TH: variants seen among roughly 807,000 people sequenced by gnomAD.
TH encodes tyrosine 3-monooxygenase.
TH carries 49 observed loss-of-function variants against 57.4 expected under a neutral mutation model. The observed-to-expected ratio is 0.85, with a 90% CI of 0.68 to 1.08. The LOEUF (loss-of-function observed/expected upper bound fraction) is 1.08. TH is among the 50% of genes least tolerant of loss of function. The pLI is 0.00. For missense variants in TH, 720 were observed against 696.7 expected (o/e 1.03, Z -0.38); for synonymous variants, 330 against 304.5 (o/e 1.08, Z -0.87).
rs1846237743 is a variant in TH, at chr11:2,170,952, G to C, written c.90+745C>G. Among the ~76,000 whole-genome samples the C allele has an allele frequency of 6.6e-6, 1 of 152,116 alleles. No individual in the cohort carries two copies. The highest frequency in any genetic ancestry group is 2.1e-4 in the South Asian group (1 of 4,832). ...ATTTTAAATGTGCCAGGGAGCCCAA[G>C]GTTCTGAGTGCCCAAGGAGGCACCG... On this transcript the variant is annotated intron_variant, in intron 1 of 12. Coordinates refer to ENST00000352909, the MANE Select transcript of TH (RefSeq NM_000360.4). The surrounding 1 kb of genome is among the most constrained non-coding windows in gnomAD (Gnocchi z 6.0).
intron 6 of TH, 67 bp from the exon 7 acceptor site, chr11:2,167,099 T>A: frequency 6.5e-7 from 1 of 1,538,990 alleles, no homozygotes; most frequent in Non-Finnish European, 8.8e-7. Context: ...CCTCCTGAAC[T>A]GTGGGTGCCT....
chr11:2,166,211 A>C lies in TH; in HGVS notation c.1048-153T>G, dbSNP rs564066698. 9 of 922,948 alleles carry C rather than the reference A, an allele frequency of 9.8e-6. No individual in the cohort carries two copies. The East Asian group carries it at 1.3e-4, about 14-fold the overall frequency. The allele number at this position is 922,948 out of a possible 1,614,324, so 57.2% of individuals were successfully genotyped here. A position where few individuals can be genotyped will look rare whatever the true frequency, so the allele number is the denominator to read the frequency against. On this transcript the variant is annotated intron_variant, in intron 9 of 12. Transcript: ENST00000352909. Reference sequence around the variant, plus strand: ...CTGGCCGCCCAGGATCCGCACCTCCACCGGGCCTCCTCCTCCAGGCAGCCC... The same window carrying C: ...CTGGCCGCCCAGGATCCGCACCTCCCCCGGGCCTCCTCCTCCAGGCAGCCC...
Position 2,169,799 on chromosome 11 carries a change from C to A in TH, c.163G>T (p.Ala55Ser), listed in dbSNP as rs1246008102. 6.2e-7 allele frequency: 1 copy of A among 1,610,946 alleles called. No individual in the cohort carries two copies. The highest frequency in any genetic ancestry group is 8.5e-7 in the Non-Finnish European group (1 of 1,179,458). Residue 55 changes from alanine (A) to serine (S), a missense_variant, in exon 2 of 13, where the codon GCA (alanine) becomes TCA (serine). Coordinates refer to ENST00000352909, the MANE Select transcript of TH (RefSeq NM_000360.4). ...TCCGAGGGGACTGCAGCGGCCGCTGCTGCCACCGCCGCCTCCCGCTCCTTG... is the reference window on the plus strand; with the variant it reads ...TCCGAGGGGACTGCAGCGGCCGCTGATGCCACCGCCGCCTCCCGCTCCTTG... ...ARKEREAAVAAAAAAVPSEPG... is the reference protein window; with the variant it reads ...ARKEREAAVASAAAAVPSEPG...
chr11:2,168,699 G>A, intron 2 of TH, 34 bp from the exon 3 acceptor site: 2 of 968,694 alleles, frequency 2.1e-6, no homozygotes, highest in Non-Finnish European at 3.0e-6. Context: ...GAGAGAGAAG[G>A]AGAAAGAGAC....
rs1204855335 is a variant in TH, at chr11:2,169,254, C to T, written c.312+396G>A. Reference sequence around the variant, plus strand: ...CCTGCCTCCCGGGGCACAGTGGGGCCGGAGTGACTAATGCAATCAGTGGTC... The same window carrying T: ...CCTGCCTCCCGGGGCACAGTGGGGCTGGAGTGACTAATGCAATCAGTGGTC... On this transcript the variant is annotated intron_variant, in intron 2 of 12. Coordinates refer to ENST00000352909, the MANE Select transcript of TH (RefSeq NM_000360.4). Among the ~76,000 whole-genome samples, 8 of 151,754 alleles carry T rather than the reference C, an allele frequency of 5.3e-5. No individual in the cohort carries two copies. In the East Asian group the frequency reaches 1.2e-3, roughly 22 times the overall value.
At chr11:2,164,843 C>G (rs1564916012) in intron 12 of TH, among the ~76,000 whole-genome samples, 1 of 152,148 alleles carries the variant, frequency 6.6e-6, no homozygotes, top group Non-Finnish European at 1.5e-5. Flanking sequence ...GTCACTGCAC[C>G]AAAGGCCCCC....
Position 2,164,044 on chromosome 11 carries a change from C to G in TH, c.*189G>C. ...CCTGGGAGCCAGGACAGGACCTCAC[C>G]ACAGGCAGCACAACCTCACCACGGG... On this transcript the variant is annotated 3_prime_UTR_variant, in exon 13 of 13. Coordinates refer to ENST00000352909, the MANE Select transcript of TH (RefSeq NM_000360.4). 4.2e-6 allele frequency: 2 copies of G among 473,862 alleles called. No individual in the cohort carries two copies. The highest frequency in any genetic ancestry group is 6.9e-6 in the Non-Finnish European group (2 of 287,904). 29.4% of individuals were successfully genotyped at this position (473,862 alleles called of 1,614,324 possible). A position where few individuals can be genotyped will look rare whatever the true frequency, so the allele number is the denominator to read the frequency against.
intron 11 of TH, 114 bp downstream of exon 11, chr11:2,165,554 C>G: frequency 2.2e-6 from 3 of 1,368,372 alleles, no homozygotes; most frequent in Non-Finnish European, 3.1e-6. Context: ...CAAACAGAGC[C>G]TGAGTCCTGG....
intron 2 of TH, among the ~76,000 whole-genome samples, chr11:2,169,053 C>T (rs570941772): frequency 6.6e-6 from 1 of 152,278 alleles, no homozygotes; most frequent in Non-Finnish European, 1.5e-5. Context: ...GTCTCACTGG[C>T]CCCTGAGCGT....
In TH at chr11:2,163,992, G is replaced by A. The variant is rs1239425358; in HGVS notation, c.*241C>T. The A allele has an allele frequency of 1.3e-5, 5 of 385,470 alleles. No homozygotes were observed. The highest frequency in any genetic ancestry group is 4.5e-5 in the Admixed American group (1 of 22,398). The allele number at this position is 385,470 out of a possible 1,614,324, so 23.9% of individuals were successfully genotyped here. On this transcript the variant is annotated 3_prime_UTR_variant, in exon 13 of 13. Coordinates refer to ENST00000352909, the MANE Select transcript of TH (RefSeq NM_000360.4). ...GCAGCAGACAGTGTCAGGGAAGGGCGGAGGGCAGTGCAGCAGCCCCCAGGA... is the reference window on the plus strand; with the variant it reads ...GCAGCAGACAGTGTCAGGGAAGGGCAGAGGGCAGTGCAGCAGCCCCCAGGA...
intron 9 of TH, 145 bp downstream of exon 9, chr11:2,166,335 C>T: frequency 1.7e-6 from 2 of 1,173,092 alleles, no homozygotes; most frequent in Non-Finnish European, 2.3e-6. Context: ...CGCCCTATGC[C>T]GCGCGACCCT....
At chr11:2,167,166 C>T in intron 6 of TH, 134 bp from the exon 7 acceptor site, 2 of 1,344,858 alleles carry the variant, frequency 1.5e-6, no homozygotes, top group Non-Finnish European at 1.0e-6. Context: ...AAGACCCAGG[C>T]CCCCGGGAGG....
chr11:2,167,959 C>T (rs200356222), intron 4 of TH, 26 bp from the exon 5 acceptor site: 2 of 1,610,574 alleles, frequency 1.2e-6, no homozygotes, highest in African/African-American at 2.7e-5. Context: ...ATGCACGGGT[C>T]AGGAGGCTGT....
In TH at chr11:2,165,765, T is replaced by A; in HGVS notation, c.1105-2A>T. 3 of 1,611,664 alleles carry A rather than the reference T, an allele frequency of 1.9e-6. No homozygotes were observed. Among genetic ancestry groups the A allele is most frequent in the Non-Finnish European group, 2.5e-6 (3 of 1,179,608 alleles). On this transcript the variant is annotated splice_acceptor_variant, in intron 10 of 12. Coordinates refer to ENST00000352909, the MANE Select transcript of TH (RefSeq NM_000360.4). LOFTEE classifies it high-confidence loss of function. ...GAACTCCACCGTGAACCAGTACAGC[T>A]GCGGGGAAGCCGGGCAGCATCAGCC... is the stretch of plus-strand genomic sequence containing the variant.
chr11:2,167,320 C>G, intron 6 of TH, 115 bp downstream of exon 6: 1 of 1,276,606 alleles, frequency 7.8e-7, no homozygotes, highest in Non-Finnish European at 1.1e-6. Flanking sequence ...CCTCTTCTTC[C>G]CGGCCTTAGT....
chr11:2,170,755 TGGG>T lies in TH; in HGVS notation c.91-887_91-885del. ...CCAGGCCACGGAGAGCCTGTGAGGC[TGGG>T]CCCCGGGGCGCCCTGGGGAGGGGAT... is the stretch of plus-strand genomic sequence containing the variant. On this transcript the variant is annotated intron_variant, in intron 1 of 12. Transcript: ENST00000352909. The surrounding 1 kb of genome is among the most constrained non-coding windows in gnomAD (Gnocchi z 6.0). The T allele has an allele frequency of 1.5e-6, 2 of 1,335,756 alleles. No homozygotes were observed. The highest frequency in any genetic ancestry group is 2.6e-5 in the South Asian group (2 of 76,912). The allele number at this position is 1,335,756 out of a possible 1,614,324, so 82.7% of individuals were successfully genotyped here. A position where few individuals can be genotyped will look rare whatever the true frequency, so the allele number is the denominator to read the frequency against.
chr11:2,164,835 C>A (rs1846040860), intron 12 of TH, among the ~76,000 whole-genome samples: 2 of 152,142 alleles, frequency 1.3e-5, no homozygotes, highest in African/African-American at 2.4e-5. Context: ...ACACTCTGGT[C>A]ACTGCACCAA....
rs1246005613 is a variant in TH, at chr11:2,166,930, T to C, written c.798A>G (p.Glu266=). 1 of 1,602,370 alleles carries C rather than the reference T, an allele frequency of 6.2e-7. No homozygotes were observed. The highest frequency in any genetic ancestry group is 1.1e-5 in the South Asian group (1 of 88,864). ...ALLERFSGYR[E]DNIPQLEDVS... ...CGTCCTCCAGCTGGGGGATATTGTC[T>C]TCCCGGTAGCCGCTGAAGCGCTCCA... The change falls in exon 7 of 13, where the codon GAA becomes GAG. Residue 266 remains glutamate (E), a synonymous_variant. Transcript: ENST00000352909.
At position 2,164,107 on chromosome 11, in the gene TH, C is replaced by T; in HGVS notation, c.*126G>A. On this transcript the variant is annotated 3_prime_UTR_variant, in exon 13 of 13. Transcript: ENST00000352909. ...TTGCGCTGAGAAGCAGGTGCAGGGG[C>T]AGTGGGAGCCTGGCAGCAGGGAGGG... is the stretch of plus-strand genomic sequence containing the variant. 2 of 822,018 alleles carry T rather than the reference C, an allele frequency of 2.4e-6. No individual in the cohort carries two copies. Among genetic ancestry groups the T allele is most frequent in the African/African-American group, 1.8e-5 (1 of 56,102 alleles). The allele number at this position is 822,018 out of a possible 1,614,324, so 50.9% of individuals were successfully genotyped here. A position where few individuals can be genotyped will look rare whatever the true frequency, so the allele number is the denominator to read the frequency against.
Sources: gnomAD v4.1 joint callset for allele counts (sites outside exome capture counted in the v4.1 genomes callset) on GRCh38, gnomAD v4.1.1 for gene constraint, Gnocchi (gnomAD v3.1) non-coding constraint, MANE v1.5 for transcripts, NCBI Gene and HGNC (gene_info 2026-07-23, HGNC 2026-07-21) for gene names.